ESRP2: variants seen among roughly 807,000 people sequenced by gnomAD.
The protein encoded by ESRP2 is RNA binding motif protein 35A.
In ESRP2, 48 loss-of-function variants were observed where a neutral mutation model predicts 78.6. The ratio of observed to expected loss-of-function variants is 0.61; its 90% CI spans 0.48 to 0.78. ESRP2 has a LOEUF of 0.78. ESRP2 is among the 30% of genes least tolerant of loss of function. The pLI is 0.00. For missense variants in ESRP2, 863 were observed against 965.9 expected (o/e 0.89, Z 1.41); for synonymous variants, 383 against 406.7 (o/e 0.94, Z 0.70).
At position 68,233,389 on chromosome 16, in the gene ESRP2, A is replaced by G. The variant is rs2042173978; in HGVS notation, c.593T>C (p.Phe198Ser). ...GLETDATEDDFGVWEVKTMVA... is the reference protein window; with the variant it reads ...GLETDATEDDSGVWEVKTMVA... ...CATTGTCTTGACTTCCCAGACCCCAAAGTCATCCTCTGTGGCATCTGTCTC... is the reference window on the plus strand; with the variant it reads ...CATTGTCTTGACTTCCCAGACCCCAGAGTCATCCTCTGTGGCATCTGTCTC... The change falls in exon 5 of 15, where the codon TTT becomes TCT. Residue 198 changes from phenylalanine (F) to serine (S), a missense_variant. Coordinates refer to ENST00000473183, the MANE Select transcript of ESRP2 (RefSeq NM_024939.3). The G allele has an allele frequency of 2.5e-6, 4 of 1,614,084 alleles. No homozygotes were observed. The highest frequency in any genetic ancestry group is 2.2e-5 in the South Asian group (2 of 91,082).
rs1403143489 is a variant in ESRP2, at chr16:68,231,819, CA to C, written c.1281del (p.Ala428GlnfsTer8). 6.2e-7 allele frequency: 1 copy of C among 1,609,986 alleles called. No homozygotes were observed. Among genetic ancestry groups the C allele is most frequent in the Admixed American group, 1.7e-5 (1 of 59,940 alleles). ...GCGCTCACCTGCTGCACTTCGGCTG[CA>C]GTGCTCCGGAAGAGTTCAATGTATC... The part of the protein sequence containing the change: ...GKRYIELFRS[T>X]AAEVQQVLNR... On this transcript the variant is annotated frameshift_variant, in exon 10 of 15. Coordinates refer to ENST00000473183, the MANE Select transcript of ESRP2 (RefSeq NM_024939.3). LOFTEE classifies it high-confidence loss of function. The surrounding 1 kb of genome is among the most constrained non-coding windows in gnomAD (Gnocchi z 6.0).
Position 68,235,224 on chromosome 16 carries a change from C to CG in ESRP2, c.327+409_327+410insC, listed in dbSNP as rs919834644. 3 of 985,308 alleles carry CG rather than the reference C, an allele frequency of 3.0e-6. No individual in the cohort carries two copies. The African/African-American group carries it at 5.2e-5, about 17-fold the overall frequency. The allele number at this position is 985,308 out of a possible 1,614,324, so 61.0% of individuals were successfully genotyped here. The stretch of plus-strand genomic sequence containing the variant: ...CCTACGCCTCCGCTCCAGCAGCTCC[C>CG]AAGCAGGCCGAAGACGCGGGCCGCA... On this transcript the variant is annotated intron_variant, in intron 2 of 14. Transcript: ENST00000473183. The surrounding 1 kb of genome is among the most constrained non-coding windows in gnomAD (Gnocchi z 5.5).
At position 68,235,154 on chromosome 16, in the gene ESRP2, G is replaced by A. The variant is rs954751635; in HGVS notation, c.327+480C>T. ...CCAGCCGGCCGGGACAGGCCTAGAC[G>A]AGCAGTTTACACCTGGCGGCGTCTA... On this transcript the variant is annotated intron_variant, in intron 2 of 14. Transcript: ENST00000473183. This position sits in a 1 kb window ranked among gnomAD's most constrained non-coding sequence, Gnocchi z 5.5. 1.0e-6 allele frequency: 1 copy of A among 985,184 alleles called. No individual in the cohort carries two copies. The highest frequency in any genetic ancestry group is 1.2e-6 in the Non-Finnish European group (1 of 829,876). The allele number at this position is 985,184 out of a possible 1,614,324, so 61.0% of individuals were successfully genotyped here.
rs2042209155 is a variant in ESRP2 at position 68,235,336 on chromosome 16, C to T, written c.327+298G>A. On this transcript the variant is annotated intron_variant, in intron 2 of 14. Coordinates refer to ENST00000473183, the MANE Select transcript of ESRP2 (RefSeq NM_024939.3). The surrounding 1 kb of genome is among the most constrained non-coding windows in gnomAD (Gnocchi z 5.5). The stretch of plus-strand genomic sequence containing the variant: ...CCTGACCCAGCAGGTCTCCCAAAGG[C>T]GTCTCGGCCTCGCTCCCCGGGCGGG... 3 of 985,418 alleles carry T rather than the reference C, an allele frequency of 3.0e-6. No homozygotes were observed. In the African/African-American group the frequency reaches 5.2e-5, roughly 17 times the overall value. 61.0% of individuals were successfully genotyped at this position (985,418 alleles called of 1,614,324 possible).
chr16:68,232,738 C>G lies in ESRP2; in HGVS notation c.710+23G>C, dbSNP rs769899594. On this transcript the variant is annotated intron_variant, in intron 6 of 14. Transcript: ENST00000473183. The surrounding 1 kb of genome is among the most constrained non-coding windows in gnomAD (Gnocchi z 5.2). ...CAGAGCTATTCAGCTGTTGTCACCCCCAGCCCCTGCTCCCACACTCACCAA... is the reference window on the plus strand; with the variant it reads ...CAGAGCTATTCAGCTGTTGTCACCCGCAGCCCCTGCTCCCACACTCACCAA... 1.9e-6 allele frequency: 3 copies of G among 1,614,104 alleles called. No individual in the cohort carries two copies. Among genetic ancestry groups the G allele is most frequent in the African/African-American group, 2.7e-5 (2 of 74,930 alleles).
At chr16:68,233,643 A>T in intron 4 of ESRP2, 125 bp downstream of exon 4, 1 of 779,496 alleles carries the variant, frequency 1.3e-6, no homozygotes. Flanking sequence ...GACACAGTAC[A>T]CTCAGGGACT....
intron 2 of ESRP2, chr16:68,234,385 TG>T (rs1257904316): frequency 5.3e-6 from 2 of 380,004 alleles, no homozygotes; most frequent in Non-Finnish European, 9.5e-6. Flanking sequence ...GAGTTTGGAG[TG>T]GGGCCAGAGC....
At position 68,232,768 on chromosome 16, in the gene ESRP2, C is replaced by CCGTCT; in HGVS notation, c.698_702dup (p.Gly235ArgfsTer45). On this transcript the variant is annotated frameshift_variant, in exon 6 of 15. Coordinates refer to ENST00000473183, the MANE Select transcript of ESRP2 (RefSeq NM_024939.3). LOFTEE classifies it high-confidence loss of function. This position sits in a 1 kb window ranked among gnomAD's most constrained non-coding sequence, Gnocchi z 5.2. ...CCCTGCTCCCACACTCACCAAGGCC[C>CCGTCT]CGTCTCGTATTTCTGCTTTATCACC... The CCGTCT allele has an allele frequency of 2.5e-6, 4 of 1,614,250 alleles. No homozygotes were observed. The highest frequency in any genetic ancestry group is 3.4e-6 in the Non-Finnish European group (4 of 1,180,048).
rs757738856 is a variant in ESRP2 at position 68,231,861 on chromosome 16, C to T, written c.1240G>A (p.Gly414Ser). 1.2e-6 allele frequency: 2 copies of T among 1,613,948 alleles called. No homozygotes were observed. Among genetic ancestry groups the T allele is most frequent in the East Asian group, 2.2e-5 (1 of 44,854 alleles). ...TCAATGTATCGCTTACCCAGCATGCCCTTGTGCCTGCGCAGTGCAGCCTGT... is the reference window on the plus strand; with the variant it reads ...TCAATGTATCGCTTACCCAGCATGCTCTTGTGCCTGCGCAGTGCAGCCTGT... ...LAQAALRRHK[G>S]MLGKRYIELF... Residue 414 changes from glycine (G) to serine (S), a missense_variant, in exon 10 of 15, where the codon GGC becomes AGC. Coordinates refer to ENST00000473183, the MANE Select transcript of ESRP2 (RefSeq NM_024939.3). The surrounding 1 kb of genome is among the most constrained non-coding windows in gnomAD (Gnocchi z 6.0).
Position 68,230,261 on chromosome 16 carries a change from C to T in ESRP2, c.2119G>A (p.Val707Met), listed in dbSNP as rs2042108305. 6.2e-7 allele frequency: 1 copy of T among 1,614,220 alleles called. No homozygotes were observed. Among genetic ancestry groups the T allele is most frequent in the Non-Finnish European group, 8.5e-7 (1 of 1,180,028 alleles). Reference sequence around the variant, plus strand: ...ACCCATTCCTTGGGGGCTTGTAACACAGTGCGAGGTGGGTCACCAACAGGC... The same window carrying T: ...ACCCATTCCTTGGGGGCTTGTAACATAGTGCGAGGTGGGTCACCAACAGGC... ...LMPVGDPPRT[V>M]LQAPKEWVCL Residue 707 changes from valine (V) to methionine (M), a missense_variant, in exon 15 of 15, where the codon GTG (valine) becomes ATG (methionine). Val to Met is a conservative substitution (Grantham distance 21, BLOSUM62 1). Coordinates refer to ENST00000473183, the MANE Select transcript of ESRP2 (RefSeq NM_024939.3).
In ESRP2 at chr16:68,235,504, T is replaced by A; in HGVS notation, c.327+130A>T. 6.9e-7 allele frequency: 1 copy of A among 1,459,420 alleles called. No homozygotes were observed. Among genetic ancestry groups the A allele is most frequent in the Non-Finnish European group, 9.0e-7 (1 of 1,112,532 alleles). 90.4% of individuals were successfully genotyped at this position (1,459,420 alleles called of 1,614,324 possible). ...CGCACACGCGAGAGTCGCTCAAAGT[T>A]TCAAACAAGAGCCCAGTCCTGCCGC... On this transcript the variant is annotated intron_variant, in intron 2 of 14. Transcript: ENST00000473183. This position sits in a 1 kb window ranked among gnomAD's most constrained non-coding sequence, Gnocchi z 5.5.
intron 4 of ESRP2, 170 bp downstream of exon 4, chr16:68,233,598 C>A: frequency 4.1e-6 from 3 of 723,776 alleles, no homozygotes; most frequent in Non-Finnish European, 7.2e-6. Flanking sequence ...CAGACACATA[C>A]CCACATTCCA....
rs1185219425 is a variant in ESRP2, at chr16:68,229,046, A to T, written c.*1180T>A. 1 of 152,192 alleles carries T rather than the reference A, an allele frequency of 6.6e-6. No individual in the cohort carries two copies. Among genetic ancestry groups the T allele is most frequent in the African/African-American group, 2.4e-5 (1 of 41,434 alleles). 9.4% of individuals were successfully genotyped at this position (152,192 alleles called of 1,614,324 possible). ...TTAAGGCTCAGATGGGCTCAAATTGAAACCTTGTGTTTTATAAAATGGATG... is the reference window on the plus strand; with the variant it reads ...TTAAGGCTCAGATGGGCTCAAATTGTAACCTTGTGTTTTATAAAATGGATG... On this transcript the variant is annotated 3_prime_UTR_variant, in exon 15 of 15. Transcript: ENST00000473183.
chr16:68,235,509 A>G lies in ESRP2; in HGVS notation c.327+125T>C, dbSNP rs548656017. On this transcript the variant is annotated intron_variant, in intron 2 of 14. Transcript: ENST00000473183. The surrounding 1 kb of genome is among the most constrained non-coding windows in gnomAD (Gnocchi z 5.5). ...ACGCGAGAGTCGCTCAAAGTTTCAA[A>G]CAAGAGCCCAGTCCTGCCGCCTGGA... 93 of 1,463,934 alleles carry G rather than the reference A, an allele frequency of 6.4e-5. No individual in the cohort carries two copies. Among genetic ancestry groups the G allele is most frequent in the South Asian group, 2.8e-4 (20 of 71,762 alleles). The allele number at this position is 1,463,934 out of a possible 1,614,324, so 90.7% of individuals were successfully genotyped here.
chr16:68,233,969 A>C, intron 3 of ESRP2, 25 bp downstream of exon 3: 1 of 1,610,696 alleles, frequency 6.2e-7, no homozygotes, highest in Non-Finnish European at 8.5e-7. Context: ...ACCCCACCCC[A>C]CCCGGTTTTC....
chr16:68,233,531 A>T, intron 4 of ESRP2, 106 bp from the exon 5 acceptor site: 1 of 928,122 alleles, frequency 1.1e-6, no homozygotes. Flanking sequence ...ACCAGCATAC[A>T]CATTTGTTTT....
Position 68,230,023 on chromosome 16 carries a change from C to T in ESRP2, c.*203G>A. 1 of 602,422 alleles carries T rather than the reference C, an allele frequency of 1.7e-6. No individual in the cohort carries two copies. The highest frequency in any genetic ancestry group is 2.9e-6 in the Non-Finnish European group (1 of 339,346). 37.3% of individuals were successfully genotyped at this position (602,422 alleles called of 1,614,324 possible). ...TAGCCCCATTCCACCCCCAGCCCTG[C>T]ATGCAGGGTCCAGCCATTGTCTTTG... On this transcript the variant is annotated 3_prime_UTR_variant, in exon 15 of 15. Coordinates refer to ENST00000473183, the MANE Select transcript of ESRP2 (RefSeq NM_024939.3).
At chr16:68,234,493 C>CCCAG (rs1481932440) in intron 2 of ESRP2, 2 of 171,988 alleles carry the variant, frequency 1.2e-5, no homozygotes, top group African/African-American at 4.8e-5. Context: ...GTGGGGGAGG[C>CCCAG]CCAGGCCTGC....
In ESRP2 at chr16:68,231,788, C is replaced by A. The variant is rs763091449; in HGVS notation, c.1299+14G>T. 1.9e-6 allele frequency: 3 copies of A among 1,605,320 alleles called. No homozygotes were observed. Among genetic ancestry groups the A allele is most frequent in the Non-Finnish European group, 1.7e-6 (2 of 1,173,344 alleles). On this transcript the variant is annotated intron_variant, in intron 10 of 14. Transcript: ENST00000473183. This position sits in a 1 kb window ranked among gnomAD's most constrained non-coding sequence, Gnocchi z 6.0. ...TAACAGTACATCTGGGGGTGGGGAG[C>A]CCTGGGCGCTCACCTGCTGCACTTC...
Sources: gnomAD v4.1 joint callset for allele counts on GRCh38, gnomAD v4.1.1 for gene constraint, Gnocchi (gnomAD v3.1) non-coding constraint, MANE v1.5 for transcripts, NCBI Gene and HGNC (gene_info 2026-07-23, HGNC 2026-07-21) for gene names.